The following ANO3 variants were observed in gnomAD, a reference collection of about 807,000 sequenced individuals.
ANO3 encodes the protein anoctamin 3.
ANO3 carries 99 observed loss-of-function variants against 144.8 expected under a neutral mutation model. The observed-to-expected ratio is 0.68, with a 90% CI of 0.58 to 0.81. The LOEUF (loss-of-function observed/expected upper bound fraction) is 0.81. Ranked by LOEUF, ANO3 falls within the 30% of genes least tolerant of loss-of-function variation. The probability of loss-of-function intolerance (pLI) is 0.00; values close to 1 mark genes in which losing one functional copy is unlikely to be tolerated. For missense variants in ANO3, 905 were observed against 1,202.2 expected, an observed-to-expected ratio of 0.75 and a Z score of 3.66; for synonymous variants, 414 against 392.6, an observed-to-expected ratio of 1.05 and a Z score of -0.64.
intron 9 of ANO3, among the ~76,000 whole-genome samples, chr11:26,536,326 A>T (rs1251616157): frequency 6.6e-6 from 1 of 151,918 alleles, no homozygotes; most frequent in African/African-American, 2.4e-5. Flanking sequence ...CTCAAAAAAA[A>T]AAAAAAAGAA....
intron 17 of ANO3, among the ~76,000 whole-genome samples, chr11:26,606,793 G>T (rs1851949021): frequency 6.6e-6 from 1 of 152,160 alleles, no homozygotes; most frequent in Non-Finnish European, 1.5e-5. Flanking sequence ...TGTTATGTGT[G>T]AGTTTGATCC....
intron 1 of ANO3, among the ~76,000 whole-genome samples, chr11:26,230,887 CTTTT>C (rs765457226): frequency 2.0e-4 from 14 of 68,504 alleles, no homozygotes; most frequent in Non-Finnish European, 2.4e-4. Flanking sequence ...AAGTTTTTTT[CTTTT>C]TTTTTTTTTT....
chr11:26,556,666 A>G (rs1004449704), intron 13 of ANO3, among the ~76,000 whole-genome samples: 3 of 152,180 alleles, frequency 2.0e-5, no homozygotes, highest in Non-Finnish European at 4.4e-5. Context: ...AGAATAGTCT[A>G]ATCAAGACTG....
chr11:26,209,690 G>C (rs1851891461), intron 1 of ANO3, among the ~76,000 whole-genome samples: 1 of 152,202 alleles, frequency 6.6e-6, no homozygotes, highest in Admixed American at 6.5e-5. Context: ...ATTCTAACTG[G>C]TGTGAGATGG....
intron 1 of ANO3, among the ~76,000 whole-genome samples, chr11:26,218,005 T>C (rs1852068201): frequency 6.6e-6 from 1 of 152,128 alleles, no homozygotes; most frequent in African/African-American, 2.4e-5. Flanking sequence ...GTCACAGCCA[T>C]GGCTGAATCC....
chr11:26,229,070 T>C (rs1195961850), intron 1 of ANO3, among the ~76,000 whole-genome samples: 6 of 151,644 alleles, frequency 4.0e-5, no homozygotes, highest in African/African-American at 1.2e-4. Context: ...AGCAATCTTT[T>C]CAGGCCCTTA....
chr11:26,567,055 A>G, intron 14 of ANO3: 1 of 1,509,144 alleles, frequency 6.6e-7, no homozygotes. Context: ...TACTTACAAC[A>G]ATCCCTTGAT....
At chr11:26,377,500 A>C (rs1232914918) in intron 1 of ANO3, among the ~76,000 whole-genome samples, 1 of 152,100 alleles carries the variant, frequency 6.6e-6, no homozygotes, top group Non-Finnish European at 1.5e-5. Context: ...ATCTGAATAA[A>C]AACGCAAAAT....
chr11:26,226,560 A>C (rs1230633192), intron 1 of ANO3, among the ~76,000 whole-genome samples: 4 of 152,138 alleles, frequency 2.6e-5, no homozygotes, highest in African/African-American at 9.6e-5. Flanking sequence ...TTGAAATCAT[A>C]GTATATGACA....
chr11:26,530,571 CTCTT>C (rs1248202648), intron 7 of ANO3, among the ~76,000 whole-genome samples: 1 of 149,890 alleles, frequency 6.7e-6, no homozygotes. Flanking sequence ...AAAAAAAACT[CTCTT>C]TCTGGCCGGG....
In ANO3 at chr11:26,542,101, G is replaced by A. The variant is rs966223930; in HGVS notation, c.1154+33G>A. The A allele has an allele frequency of 6.2e-6, 10 of 1,600,070 alleles. No homozygotes were observed. The African/African-American group carries it at 1.1e-4, about 17-fold the overall frequency. On this transcript the variant is annotated intron_variant, in intron 11 of 26. Coordinates refer to ENST00000256737, the MANE Select transcript of ANO3 (RefSeq NM_031418.4). ...AAATGGAACAATAATGAAAAGCAAA[G>A]TATTCTGTTTTGTGTCATTGTCTTA... is the stretch of plus-strand genomic sequence containing the variant.
intron 14 of ANO3, among the ~76,000 whole-genome samples, chr11:26,561,589 G>C (rs959406145): frequency 2.0e-5 from 3 of 151,698 alleles, no homozygotes; most frequent in African/African-American, 7.3e-5. Context: ...TGTCACTTCT[G>C]GTGTAAAATT....
At position 26,235,594 on chromosome 11, in the gene ANO3, C is replaced by CT. The variant is rs55765741; in HGVS notation, c.154+46281dup. ...ATTAGCTAAAGTTTAACAATGTATA[C>CT]TTTTTTTTTTTTTTTTTGGTCTTTA... On this transcript the variant is annotated intron_variant, in intron 1 of 27. Transcript: ENST00000672621. 2.9e-3 allele frequency among the ~76,000 whole-genome samples: 409 copies of CT among 139,712 alleles called. 1 individual carries two copies. The highest frequency in any genetic ancestry group is 7.5e-3 in the Middle Eastern group (2 of 266). The allele number at this position is 139,712 out of a possible 152,430, so 91.7% of individuals were successfully genotyped here.
chr11:26,586,792 C>A (rs929704379), intron 14 of ANO3, among the ~76,000 whole-genome samples: 2 of 151,912 alleles, frequency 1.3e-5, no homozygotes, highest in Admixed American at 1.3e-4. Context: ...TGAGCCACCA[C>A]GCCCGGCCTC....
At chr11:26,421,087 G>A (rs1314984623) in intron 1 of ANO3, among the ~76,000 whole-genome samples, 1 of 151,898 alleles carries the variant, frequency 6.6e-6, no homozygotes, top group African/African-American at 2.4e-5. Context: ...ACATAAAATG[G>A]GGATGACAGA....
At chr11:26,332,442 G>GT in intron 1 of ANO3, 121 bp downstream of exon 1, 1 of 611,340 alleles carries the variant, frequency 1.6e-6, no homozygotes, top group Non-Finnish European at 2.6e-6. Flanking sequence ...ACTCTGTGAA[G>GT]TTAAAAAAAA....
chr11:26,311,209 T>C (rs1854495300), intron 1 of ANO3, among the ~76,000 whole-genome samples: 2 of 152,196 alleles, frequency 1.3e-5, no homozygotes, highest in Non-Finnish European at 2.9e-5. Context: ...GGTACTGTAT[T>C]TGGTTCATTG....
chr11:26,262,717 T>TAAACACACACACACACACAC (rs1175370260), intron 1 of ANO3, among the ~76,000 whole-genome samples: 7 of 144,226 alleles, frequency 4.9e-5, no homozygotes, highest in Non-Finnish European at 9.2e-5. Flanking sequence ...ATCCTTATAG[T>TAAACACACACACACACACAC]AAACACACAC....
At chr11:26,536,318 C>CAAA (rs776107828) in intron 9 of ANO3, among the ~76,000 whole-genome samples, 2 of 92,894 alleles carry the variant, frequency 2.2e-5, no homozygotes, top group Non-Finnish European at 4.5e-5. Context: ...GACTCTGTCT[C>CAAA]AAAAAAAAAA....
Sources: gnomAD v4.1 joint callset for allele counts (sites outside exome capture counted in the v4.1 genomes callset) on GRCh38, gnomAD v4.1.1 for gene constraint, MANE v1.5 for transcripts, NCBI Gene and HGNC (gene_info 2026-07-23, HGNC 2026-07-21) for gene names.